The following DCC variants were observed in gnomAD, a reference collection of about 807,000 sequenced individuals.
The protein encoded by DCC is netrin receptor DCC.
A neutral mutation model predicts 172.5 loss-of-function variants in DCC; 58 were observed. The observed-to-expected ratio is 0.34, with a 90% confidence interval of 0.27 to 0.42. DCC has a LOEUF of 0.42. Ranked by LOEUF, DCC falls within the 10% of genes least tolerant of loss-of-function variation. The probability of loss-of-function intolerance (pLI) is 1.00; values close to 1 mark genes in which losing one functional copy is unlikely to be tolerated. For missense variants in DCC, 1,740 were observed against 1,791.0 expected, an observed-to-expected ratio of 0.97 and a Z score of 0.51; for synonymous variants, 709 against 644.5, an observed-to-expected ratio of 1.10 and a Z score of -1.52.
chr18:52,755,417 T>C (rs1384155482), intron 2 of DCC, among the ~76,000 whole-genome samples: 2 of 152,220 alleles, frequency 1.3e-5, no homozygotes, highest in Admixed American at 6.5e-5. Flanking sequence ...TGGACTTTAG[T>C]ATTCTGTACA....
At chr18:53,228,109 C>T (rs551483587) in intron 12 of DCC, among the ~76,000 whole-genome samples, 2 of 151,952 alleles carry the variant, frequency 1.3e-5, no homozygotes, top group Non-Finnish European at 2.9e-5. Context: ...TCTAGAGATG[C>T]CTATATTTCA....
chr18:52,497,314 T>TAC lies in DCC; in HGVS notation c.91+156446_91+156447dup, dbSNP rs34542048. ...ATATATATATATATATATATATATA[T>TAC]ACACACACACATATATATACACACG... On this transcript the variant is annotated intron_variant, in intron 1 of 28. Coordinates refer to ENST00000442544, the MANE Select transcript of DCC (RefSeq NM_005215.4). 1.1e-4 allele frequency among the ~76,000 whole-genome samples: 8 copies of TAC among 73,982 alleles called. 1 individual carries two copies. The highest frequency in any genetic ancestry group is 3.0e-4 in the African/African-American group (6 of 19,770). The allele number at this position is 73,982 out of a possible 152,430, so 48.5% of individuals were successfully genotyped here. A position where few individuals can be genotyped will look rare whatever the true frequency, so the allele number is the denominator to read the frequency against.
At chr18:53,460,674 C>T (rs11875490) in intron 24 of DCC, among the ~76,000 whole-genome samples, 68,744 of 151,480 alleles carry the variant, frequency 0.45, 17,306 homozygotes, top group Non-Finnish European at 0.58. Context: ...TTAATCCAGT[C>T]TATCATTGTT....
At chr18:53,046,682 C>G (rs1227691998) in intron 5 of DCC, among the ~76,000 whole-genome samples, 1 of 151,928 alleles carries the variant, frequency 6.6e-6, no homozygotes, top group Non-Finnish European at 1.5e-5. Flanking sequence ...AACTTGAAAA[C>G]ACAGATTACA....
At chr18:52,761,748 C>T (rs3919651) in intron 2 of DCC, among the ~76,000 whole-genome samples, 9,964 of 151,728 alleles carry the variant, frequency 0.066, 421 homozygotes, top group South Asian at 0.11. Flanking sequence ...AAGGTCAAAG[C>T]GCTTCCACTG....
intron 1 of DCC, among the ~76,000 whole-genome samples, chr18:52,663,375 C>A (rs975988161): frequency 2.6e-5 from 4 of 152,138 alleles, no homozygotes; most frequent in African/African-American, 9.7e-5. Flanking sequence ...AGAAGGGATG[C>A]TTCCAGATGA....
At chr18:52,832,995 A>G (rs1353125607) in intron 2 of DCC, among the ~76,000 whole-genome samples, 1 of 152,158 alleles carries the variant, frequency 6.6e-6, no homozygotes. Flanking sequence ...GCCCTCTGCC[A>G]TAGCCAAATG....
intron 27 of DCC, among the ~76,000 whole-genome samples, chr18:53,517,504 C>T (rs1219342308): frequency 6.6e-6 from 1 of 150,902 alleles, no homozygotes; most frequent in East Asian, 1.9e-4. Flanking sequence ...AATGTCAATG[C>T]CCAATGTCAA....
At chr18:52,918,566 A>G (rs2040073570) in intron 3 of DCC, among the ~76,000 whole-genome samples, 1 of 152,194 alleles carries the variant, frequency 6.6e-6, no homozygotes, top group Admixed American at 6.5e-5. Context: ...CTGTACTCTA[A>G]GAATACTACA....
chr18:53,097,815 A>G (rs2043108844), intron 7 of DCC, among the ~76,000 whole-genome samples: 1 of 152,130 alleles, frequency 6.6e-6, no homozygotes, highest in Non-Finnish European at 1.5e-5. Context: ...GCATACTGAA[A>G]CAGAGAGAGA....
chr18:53,407,338 T>A (rs1909720259), intron 19 of DCC, among the ~76,000 whole-genome samples: 1 of 151,802 alleles, frequency 6.6e-6, no homozygotes, highest in African/African-American at 2.4e-5. Context: ...CTTATGTGAA[T>A]ATGATTTTAT....
intron 1 of DCC, among the ~76,000 whole-genome samples, chr18:52,571,667 G>A (rs961144784): frequency 2.0e-5 from 3 of 152,076 alleles, no homozygotes; most frequent in Admixed American, 1.3e-4. Flanking sequence ...GTTGCCACAG[G>A]CACAAAACAG....
At chr18:52,534,549 C>A (rs145980317) in intron 1 of DCC, among the ~76,000 whole-genome samples, 3 of 152,152 alleles carry the variant, frequency 2.0e-5, no homozygotes, top group Admixed American at 6.6e-5. Context: ...TCATTTATTG[C>A]GCAAATATTT....
chr18:52,738,768 C>T (rs866554819), intron 1 of DCC, among the ~76,000 whole-genome samples: 1 of 144,050 alleles, frequency 6.9e-6, no homozygotes, highest in Non-Finnish European at 1.5e-5. Flanking sequence ...GAGACTAAGT[C>T]TCACCCTGTC....
intron 5 of DCC, among the ~76,000 whole-genome samples, chr18:53,003,258 T>C (rs1267725266): frequency 6.6e-6 from 1 of 152,104 alleles, no homozygotes; most frequent in Non-Finnish European, 1.5e-5. Context: ...CATCCTTTAA[T>C]TAAATAACGG....
chr18:52,754,987 G>C (rs2037056618), intron 2 of DCC, among the ~76,000 whole-genome samples: 1 of 152,210 alleles, frequency 6.6e-6, no homozygotes, highest in Admixed American at 6.5e-5. Context: ...ATGAGTGTCT[G>C]AAATTTGATT....
intron 7 of DCC, among the ~76,000 whole-genome samples, chr18:53,145,069 G>A (rs1427351367): frequency 2.0e-5 from 3 of 147,990 alleles, no homozygotes; most frequent in Non-Finnish European, 4.5e-5. Flanking sequence ...TAAGTGGTGG[G>A]GCCTTTTGGG....
chr18:53,172,617 C>T lies in DCC; in HGVS notation c.1419-6345C>T, dbSNP rs953646998. ...AAAGCTGTCCTTCCTTATACATACC[C>T]AAGGTGTTTGATAGGCAAATATGGC... On this transcript the variant is annotated intron_variant, in intron 8 of 28. Transcript: ENST00000442544. Among the ~76,000 whole-genome samples the T allele has an allele frequency of 9.2e-4, 139 of 151,426 alleles. 3 individuals are homozygous for T. In the Middle Eastern group the frequency reaches 0.01, roughly 11 times the overall value.
intron 1 of DCC, among the ~76,000 whole-genome samples, chr18:52,420,950 C>T (rs1051754809): frequency 1.3e-5 from 2 of 152,074 alleles, no homozygotes; most frequent in East Asian, 3.9e-4. Flanking sequence ...CAGATCAATT[C>T]ACTTTCAGTG....
Sources: gnomAD v4.1 joint callset for allele counts (sites outside exome capture counted in the v4.1 genomes callset) on GRCh38, gnomAD v4.1.1 for gene constraint, MANE v1.5 for transcripts, NCBI Gene and HGNC (gene_info 2026-07-23, HGNC 2026-07-21) for gene names.